Variants in ANKHD1 observed in about 807,000 individuals in gnomAD.
ANKHD1 encodes the protein ankyrin repeat and KH domain-containing protein 1.
Under a neutral mutation model 230.5 loss-of-function variants are expected in ANKHD1, and 31 were observed. The ratio of observed to expected loss-of-function variants is 0.13; its 90% CI spans 0.10 to 0.18. ANKHD1 has a LOEUF of 0.18. Among genes scored for constraint, ANKHD1 ranks in the 10% least tolerant of loss-of-function variants. The pLI is 1.00. For synonymous variants in ANKHD1, 1,074 were observed against 1,117.6 expected (o/e 0.96, Z 0.78); for missense variants, 2,256 against 3,071.3 (o/e 0.73, Z 6.27).
rs182704160 is a variant in ANKHD1, at chr5:140,513,185, A to T, written c.4201-178A>T. 1.8e-3 allele frequency among the ~76,000 whole-genome samples: 276 copies of T among 152,360 alleles called. 1 individual carries two copies. Among genetic ancestry groups the T allele is most frequent in the African/African-American group, 6.4e-3 (265 of 41,590 alleles). On this transcript the variant is annotated intron_variant, in intron 23 of 33. Coordinates refer to ENST00000360839, the MANE Select transcript of ANKHD1 (RefSeq NM_017747.3). ...ATGAGAAGGCTTCCTAAGGACATGCAGGTTTTTAGGGAAATGGTGTCTTAT... is the reference window on the plus strand; with the variant it reads ...ATGAGAAGGCTTCCTAAGGACATGCTGGTTTTTAGGGAAATGGTGTCTTAT...
At chr5:140,523,262 A>G (rs944692495) in intron 24 of ANKHD1, among the ~76,000 whole-genome samples, 9 of 151,616 alleles carry the variant, frequency 5.9e-5, no homozygotes, top group African/African-American at 2.2e-4. Flanking sequence ...ATAGGTCACC[A>G]TGCCTGGCTA....
Position 140,529,250 on chromosome 5 carries a change from C to T in ANKHD1, c.6304C>T (p.Pro2102Ser). The change falls in exon 29 of 34, where the codon CCT becomes TCT. Residue 2102 changes from proline (P) to serine (S), a missense_variant. Pro to Ser is a moderately conservative substitution (Grantham distance 74). This residue lies in a region of ANKHD1 where 778 missense variants were observed against 966.5 expected (regional missense o/e 0.80). Transcript: ENST00000360839. Reference sequence around the variant, plus strand: ...AATGCCTTTTGCATCTAACTCAGAACCTGCTCCATTGACTTTGACATCACC... The same window carrying T: ...AATGCCTTTTGCATCTAACTCAGAATCTGCTCCATTGACTTTGACATCACC... Reference protein sequence around the residue: ...MSMPFASNSEPAPLTLTSPRM... With the variant: ...MSMPFASNSESAPLTLTSPRM... The T allele has an allele frequency of 2.5e-6, 4 of 1,614,210 alleles. No individual in the cohort carries two copies. Among genetic ancestry groups the T allele is most frequent in the Non-Finnish European group, 3.4e-6 (4 of 1,180,042 alleles).
At chr5:140,487,390 C>G (rs1412547946) in intron 14 of ANKHD1, among the ~76,000 whole-genome samples, 3 of 151,742 alleles carry the variant, frequency 2.0e-5, no homozygotes, top group African/African-American at 7.3e-5. Context: ...TTTAGCTAAC[C>G]AATAGTAAAT....
intron 1 of ANKHD1, among the ~76,000 whole-genome samples, chr5:140,434,947 A>G (rs1291072761): frequency 6.6e-6 from 1 of 152,156 alleles, no homozygotes; most frequent in Non-Finnish European, 1.5e-5. Context: ...GAAGGGTTGT[A>G]TATATTTTAT....
intron 14 of ANKHD1, among the ~76,000 whole-genome samples, chr5:140,494,713 C>T (rs922749976): frequency 6.6e-6 from 1 of 151,958 alleles, no homozygotes; most frequent in Non-Finnish European, 1.5e-5. Flanking sequence ...CTTTGAAATT[C>T]AGAACATTTC....
At chr5:140,530,163 T>C (rs1044713152) in intron 29 of ANKHD1, among the ~76,000 whole-genome samples, 3 of 152,068 alleles carry the variant, frequency 2.0e-5, no homozygotes, top group African/African-American at 7.2e-5. Context: ...TCTTGTTTAT[T>C]TTAGGTATAG....
Position 140,450,784 on chromosome 5 carries a change from A to AT in ANKHD1, c.1242+1481dup, listed in dbSNP as rs967659769. ...AAAAGATTTATTTATTTATTTATTTATTATTATTATTTTGTTGGAATTCCC... is the reference window on the plus strand; with the variant it reads ...AAAAGATTTATTTATTTATTTATTTATTTATTATTATTTTGTTGGAATTCCC... On this transcript the variant is annotated intron_variant, in intron 7 of 33. Transcript: ENST00000360839. Among the ~76,000 whole-genome samples, 11 of 152,032 alleles carry AT rather than the reference A, an allele frequency of 7.2e-5. No homozygotes were observed. In the East Asian group the frequency reaches 1.7e-3, roughly 24 times the overall value.
intron 24 of ANKHD1, among the ~76,000 whole-genome samples, chr5:140,516,072 T>C (rs937197847): frequency 2.0e-5 from 3 of 152,016 alleles, no homozygotes; most frequent in Admixed American, 6.5e-5. Context: ...ATTGTATAAC[T>C]AGAATAACCA....
At chr5:140,415,221 A>G (rs1214500225) in intron 1 of ANKHD1, among the ~76,000 whole-genome samples, 3 of 151,266 alleles carry the variant, frequency 2.0e-5, no homozygotes, top group African/African-American at 7.3e-5. Flanking sequence ...ATCTCTACTA[A>G]AAAATACAAA....
chr5:140,452,170 G>A (rs1314538234), intron 7 of ANKHD1, among the ~76,000 whole-genome samples: 1 of 152,196 alleles, frequency 6.6e-6, no homozygotes, highest in Non-Finnish European at 1.5e-5. Context: ...GCCAGGCTGG[G>A]GGAGGGGCAC....
chr5:140,465,271 G>C (rs1379063644), intron 10 of ANKHD1: 1 of 152,090 alleles, frequency 6.6e-6, no homozygotes, highest in African/African-American at 2.4e-5. Context: ...TTGTTTCTCT[G>C]ATTAGACATT....
intron 1 of ANKHD1, among the ~76,000 whole-genome samples, chr5:140,424,190 GAAT>G (rs1772211843): frequency 2.6e-5 from 4 of 151,608 alleles, no homozygotes; most frequent in African/African-American, 9.7e-5. Flanking sequence ...TTGGCATCAA[GAAT>G]AATAATACTA....
chr5:140,532,476 C>A (rs1047938176), intron 29 of ANKHD1, among the ~76,000 whole-genome samples: 14 of 151,956 alleles, frequency 9.2e-5, no homozygotes, highest in African/African-American at 2.9e-4. Context: ...CACTCTGTTG[C>A]CCAGGCTGGA....
In ANKHD1 at chr5:140,528,548, C is replaced by T; in HGVS notation, c.5602C>T (p.Arg1868Trp). Residue 1868 changes from arginine to tryptophan, a missense_variant, in exon 29 of 34, where the codon CGG (arginine) becomes TGG (tryptophan). Around this residue, in one of 13 missense-constraint regions of ANKHD1, gnomAD observed 778 missense variants for 966.5 expected, o/e 0.80. Transcript: ENST00000360839. ...GGCTGCTCAAACTATGCAACAGATT[C>T]GGCATCCTCGCTTACCCATGGCCCA... ...LLAAQTMQQIRHPRLPMAQFG... is the reference protein window; with the variant it reads ...LLAAQTMQQIWHPRLPMAQFG... 2 of 1,614,188 alleles carry T rather than the reference C, an allele frequency of 1.2e-6. No individual in the cohort carries two copies. The highest frequency in any genetic ancestry group is 1.1e-5 in the South Asian group (1 of 91,076).
At chr5:140,522,952 T>C (rs1014217097) in intron 24 of ANKHD1, among the ~76,000 whole-genome samples, 1 of 152,166 alleles carries the variant, frequency 6.6e-6, no homozygotes, top group Non-Finnish European at 1.5e-5. Context: ...CTGTGCTTAT[T>C]GGTCATTTGT....
intron 1 of ANKHD1, among the ~76,000 whole-genome samples, chr5:140,433,061 C>T (rs920007923): frequency 1.3e-5 from 2 of 151,082 alleles, no homozygotes; most frequent in Non-Finnish European, 2.9e-5. Flanking sequence ...CCTTCCCCCC[C>T]CCAAAAAAAA....
intron 33 of ANKHD1, 76 bp downstream of exon 33, chr5:140,539,159 C>A: frequency 6.5e-7 from 1 of 1,531,442 alleles, no homozygotes; most frequent in Non-Finnish European, 8.8e-7. Flanking sequence ...AGTATAAGTA[C>A]TGAATATCAA....
chr5:140,527,482 A>G lies in ANKHD1; in HGVS notation c.5088-391A>G, dbSNP rs1009776176. 5.7e-5 allele frequency: 12 copies of G among 210,868 alleles called. No homozygotes were observed. Among genetic ancestry groups the G allele is most frequent in the African/African-American group, 2.8e-4 (12 of 42,460 alleles). 13.1% of individuals were successfully genotyped at this position (210,868 alleles called of 1,614,324 possible). On this transcript the variant is annotated intron_variant, in intron 27 of 33. Coordinates refer to ENST00000360839, the MANE Select transcript of ANKHD1 (RefSeq NM_017747.3). The surrounding 1 kb of genome is among the most constrained non-coding windows in gnomAD (Gnocchi z 4.5). ...GAGCTGTTGATACTGGTTTAAAATG[A>G]ATATGCTAGCATAGTTATTCTGTGT...
intron 24 of ANKHD1, among the ~76,000 whole-genome samples, chr5:140,514,737 T>C (rs982589752): frequency 4.0e-5 from 6 of 151,498 alleles, no homozygotes; most frequent in South Asian, 2.1e-4. Context: ...TTGGGAGGCC[T>C]AGGCTAGAGG....
Sources: allele counts gnomAD v4.1 joint callset (sites outside exome capture counted in the v4.1 genomes callset), GRCh38; gene constraint gnomAD v4.1.1; regional missense constraint gnomAD v4.1.1; non-coding constraint Gnocchi (gnomAD v3.1); transcripts MANE v1.5; gene names NCBI Gene and HGNC (gene_info 2026-07-23, HGNC 2026-07-21).